SGCD: variants seen among roughly 807,000 people sequenced by gnomAD.
SGCD encodes the protein sarcoglycan delta.
Under a neutral mutation model 36.6 loss-of-function variants are expected in SGCD, and 18 were observed. The observed-to-expected ratio is 0.49, with a 90% CI of 0.34 to 0.73. The LOEUF is 0.73. Ranked by LOEUF, SGCD falls within the 30% of genes least tolerant of loss-of-function variation. The pLI, the probability that SGCD is intolerant of heterozygous loss-of-function variation, is 0.01. For synonymous variants in SGCD, 133 were observed against 130.6 expected, an observed-to-expected ratio of 1.02 and a Z score of -0.12; for missense variants, 387 against 346.7, an observed-to-expected ratio of 1.12 and a Z score of -0.92.
chr5:156,325,330 T>C (rs1229617611), upstream of SGCD, among the ~76,000 whole-genome samples: 1 of 150,350 alleles, frequency 6.7e-6, no homozygotes, highest in Non-Finnish European at 1.5e-5. Flanking sequence ...AATTTGGCTT[T>C]TAGGTTAGAG....
chr5:156,281,324 G>C (rs749439045), intron 3 of SGCD, among the ~76,000 whole-genome samples: 2 of 152,016 alleles, frequency 1.3e-5, no homozygotes, highest in Non-Finnish European at 2.9e-5. Context: ...ATCTCTTTGT[G>C]ATAATGAAGA....
In SGCD at chr5:156,214,265, T is replaced by A. The variant is rs186094072; in HGVS notation, c.-44+90246T>A. Among the ~76,000 whole-genome samples the A allele has an allele frequency of 1.1e-4, 17 of 152,050 alleles. No individual in the cohort carries two copies. The East Asian group carries it at 2.9e-3, about 26-fold the overall frequency. On this transcript the variant is annotated intron_variant, in intron 3 of 9. Transcript: ENST00000517913. ...AAATGAATTTAGTAAATTTACAGGA[T>A]ACCAAATCAACCTACCAAAATCAGT...
chr5:156,666,759 G>A (rs1332901188), intron 7 of SGCD, among the ~76,000 whole-genome samples: 1 of 151,890 alleles, frequency 6.6e-6, no homozygotes, highest in Non-Finnish European at 1.5e-5. Context: ...TTGGGGGTAA[G>A]GTCATAGATT....
chr5:156,245,398 T>C (rs72811740), intron 3 of SGCD, among the ~76,000 whole-genome samples: 2,618 of 152,300 alleles, frequency 0.017, 36 homozygotes, highest in Non-Finnish European at 0.029. Context: ...AATACCACCA[T>C]TTTACATTCC....
chr5:156,342,156 C>A (rs562627485), intron 2 of SGCD, among the ~76,000 whole-genome samples: 2 of 152,332 alleles, frequency 1.3e-5, no homozygotes, highest in East Asian at 3.9e-4. Flanking sequence ...CTACCTATAC[C>A]TCCATCCTCT....
the SGCD span, among the ~76,000 whole-genome samples, chr5:155,759,597 G>C: frequency 6.6e-6 from 1 of 152,182 alleles, no homozygotes; most frequent in Admixed American, 6.5e-5. Flanking sequence ...TAGCACATGG[G>C]CAAGGACGCA....
chr5:156,697,039 A>G (rs1754348981), intron 7 of SGCD, among the ~76,000 whole-genome samples: 1 of 151,496 alleles, frequency 6.6e-6, no homozygotes, highest in Admixed American at 6.6e-5. Flanking sequence ...AACAGCACTT[A>G]ACACTGACAT....
intron 6 of SGCD, among the ~76,000 whole-genome samples, chr5:156,644,803 G>A (rs1763166862): frequency 6.6e-6 from 1 of 152,074 alleles, no homozygotes; most frequent in Admixed American, 6.6e-5. Context: ...TAGATTTCAG[G>A]TCTCTTGACA....
rs545969200 is a variant in SGCD, at chr5:155,892,231, G to A, written c.-282+21807G>A. On this transcript the variant is annotated intron_variant, in intron 1 of 9. Transcript: ENST00000517913. ...CCAGCACTTTGGGAGGCTGAGGTGG[G>A]TGGATCACGAGGTCAGGAAATCAAG... is the stretch of plus-strand genomic sequence containing the variant. 5.9e-5 allele frequency among the ~76,000 whole-genome samples: 9 copies of A among 152,160 alleles called. No homozygotes were observed. The South Asian group carries it at 1.9e-3, about 32-fold the overall frequency.
At chr5:155,865,730 G>A (rs936494062), upstream of SGCD, among the ~76,000 whole-genome samples, 3 of 152,134 alleles carry the variant, frequency 2.0e-5, no homozygotes, top group Non-Finnish European at 2.9e-5. Context: ...TGTTTTAAAA[G>A]TCACATGTGT....
intron 6 of SGCD, among the ~76,000 whole-genome samples, chr5:156,620,008 A>G (rs1042366862): frequency 2.6e-4 from 39 of 152,212 alleles, no homozygotes; most frequent in African/African-American, 8.0e-4. Context: ...AGTCTTCTTC[A>G]AAGTACAGAA....
intron 3 of SGCD, among the ~76,000 whole-genome samples, chr5:156,297,115 C>T (rs548294053): frequency 1.3e-4 from 20 of 151,762 alleles, no homozygotes; most frequent in African/African-American, 3.4e-4. Context: ...ATGGGGTATT[C>T]GTCACCTCAA....
intron 7 of SGCD, among the ~76,000 whole-genome samples, chr5:156,654,609 G>T (rs967096384): frequency 1.3e-5 from 2 of 152,074 alleles, no homozygotes; most frequent in Admixed American, 6.6e-5. Context: ...GCAAGCCAGG[G>T]TGTCATATTT....
At chr5:156,390,374 G>A (rs550301786) in intron 3 of SGCD, among the ~76,000 whole-genome samples, 1 of 152,340 alleles carries the variant, frequency 6.6e-6, no homozygotes, top group East Asian at 1.9e-4. Context: ...CGTTGTTGGT[G>A]ATCCTGACCC....
intron 3 of SGCD, among the ~76,000 whole-genome samples, chr5:156,239,457 G>A (rs1765252570): frequency 6.7e-6 from 1 of 149,902 alleles, no homozygotes; most frequent in Admixed American, 6.7e-5. Context: ...ATAGTATAGT[G>A]CAAAGTAGTG....
At chr5:155,799,812 C>CTTTTTTT in the SGCD span, among the ~76,000 whole-genome samples, 121 of 58,766 alleles carry the variant, frequency 2.1e-3, no homozygotes, top group Non-Finnish European at 2.4e-3. Flanking sequence ...TCCTATTCCC[C>CTTTTTTT]TTTTTTTTTT....
At chr5:156,026,335 T>C (rs945972216) in intron 1 of SGCD, among the ~76,000 whole-genome samples, 5 of 152,182 alleles carry the variant, frequency 3.3e-5, no homozygotes, top group Admixed American at 1.3e-4. Flanking sequence ...CAGTTATTAG[T>C]ATATGAAAAC....
the SGCD span, among the ~76,000 whole-genome samples, chr5:155,785,665 T>C: frequency 1.3e-5 from 2 of 152,188 alleles, no homozygotes; most frequent in Non-Finnish European, 2.9e-5. Flanking sequence ...TTTTAAAATA[T>C]ACAAACCAAT....
At chr5:156,142,699 T>C (rs1762608820) in intron 3 of SGCD, among the ~76,000 whole-genome samples, 1 of 152,188 alleles carries the variant, frequency 6.6e-6, no homozygotes, top group Non-Finnish European at 1.5e-5. Context: ...TTGACAGTGA[T>C]GATTTAGGGT....
Sources: allele counts gnomAD v4.1 joint callset (sites outside exome capture counted in the v4.1 genomes callset), GRCh38; gene constraint gnomAD v4.1.1; transcripts MANE v1.5; gene names NCBI Gene and HGNC (gene_info 2026-07-23, HGNC 2026-07-21).